ATP9B: variants seen among roughly 807,000 people sequenced by gnomAD.
The protein encoded by ATP9B is probable phospholipid-transporting ATPase IIB.
A neutral mutation model predicts 146.1 loss-of-function variants in ATP9B; 110 were observed. The ratio of observed to expected loss-of-function variants is 0.75; its 90% CI spans 0.65 to 0.88. ATP9B has a LOEUF of 0.88. Ranked by LOEUF, ATP9B falls within the 40% of genes least tolerant of loss-of-function variation. ATP9B has a pLI of 0.00. For synonymous variants in ATP9B, 604 were observed against 569.7 expected (o/e 1.06, Z -0.86); for missense variants, 1,499 against 1,496.4 (o/e 1.00, Z -0.03).
At chr18:79,164,319 G>A (rs2094930869) in intron 7 of ATP9B, among the ~76,000 whole-genome samples, 1 of 152,042 alleles carries the variant, frequency 6.6e-6, no homozygotes, top group Admixed American at 6.6e-5. Context: ...CATGGCTCTT[G>A]ATCTTTTTGT....
intron 15 of ATP9B, 178 bp downstream of exon 15, chr18:79,307,412 G>A (rs1439398565): frequency 1.1e-6 from 1 of 929,256 alleles, no homozygotes; most frequent in Non-Finnish European, 1.6e-6. Flanking sequence ...CTCTGACGTA[G>A]CCTGGGCCTT....
chr18:79,374,596 G>A (rs1201906642), intron 28 of ATP9B, among the ~76,000 whole-genome samples: 7 of 152,302 alleles, frequency 4.6e-5, no homozygotes, highest in Admixed American at 1.3e-4. Flanking sequence ...ACAGCCACTC[G>A]GGAGCAGTTG....
chr18:79,131,729 T>C (rs2147259541), intron 5 of ATP9B, among the ~76,000 whole-genome samples: 1 of 152,206 alleles, frequency 6.6e-6, no homozygotes, highest in Middle Eastern at 3.4e-3. Flanking sequence ...AAAAGATGAG[T>C]GGATAAACGA....
At chr18:79,377,004 A>G (rs552264938) in intron 29 of ATP9B, among the ~76,000 whole-genome samples, 4 of 152,266 alleles carry the variant, frequency 2.6e-5, no homozygotes, top group African/African-American at 9.6e-5. Context: ...CCGGCCTGCA[A>G]TCTATAATGC....
At chr18:79,234,312 T>G (rs2095818803) in intron 11 of ATP9B, among the ~76,000 whole-genome samples, 2 of 152,250 alleles carry the variant, frequency 1.3e-5, no homozygotes, top group South Asian at 4.1e-4. Flanking sequence ...TTTAGAAATT[T>G]AGAATGTGAA....
intron 2 of ATP9B, among the ~76,000 whole-genome samples, chr18:79,102,456 GA>G (rs2075350972): frequency 6.6e-6 from 1 of 152,114 alleles, no homozygotes. Context: ...TACATGAGCG[GA>G]GCTGTCTGTG....
At chr18:79,259,172 A>G (rs1436103593) in intron 12 of ATP9B, among the ~76,000 whole-genome samples, 1 of 152,218 alleles carries the variant, frequency 6.6e-6, no homozygotes, top group African/African-American at 2.4e-5. Flanking sequence ...TTTCAGAGGA[A>G]AATATTATAG....
chr18:79,176,744 C>T (rs904345506), intron 7 of ATP9B, 69 bp from the exon 8 acceptor site: 2 of 1,264,172 alleles, frequency 1.6e-6, no homozygotes, highest in Non-Finnish European at 2.3e-6. Context: ...TCTTTGATGG[C>T]ACCTGTAGCT....
At chr18:79,090,375 T>A (rs896466399) in intron 1 of ATP9B, among the ~76,000 whole-genome samples, 1 of 152,356 alleles carries the variant, frequency 6.6e-6, no homozygotes. Flanking sequence ...ATTGTACTAA[T>A]TTACATTCCC....
At chr18:79,313,098 C>T (rs1029979389) in intron 15 of ATP9B, among the ~76,000 whole-genome samples, 2 of 152,232 alleles carry the variant, frequency 1.3e-5, no homozygotes, top group African/African-American at 4.8e-5. Flanking sequence ...AGCCCTGTTA[C>T]AGTTCATAGA....
chr18:79,088,109 G>C (rs538979138), intron 1 of ATP9B, among the ~76,000 whole-genome samples: 20 of 152,294 alleles, frequency 1.3e-4, no homozygotes, highest in African/African-American at 4.8e-4. Flanking sequence ...CTTGGAAATG[G>C]AATAAATTGC....
intron 1 of ATP9B, 38 bp downstream of exon 1, chr18:79,069,567 C>A (rs1242306155): frequency 3.6e-5 from 45 of 1,248,066 alleles, no homozygotes; most frequent in Non-Finnish European, 4.1e-5. Context: ...CCCGCCGACG[C>A]TCCCCGGGGC....
intron 26 of ATP9B, among the ~76,000 whole-genome samples, chr18:79,368,927 C>T (rs1048589416): frequency 5.9e-5 from 9 of 152,014 alleles, no homozygotes; most frequent in African/African-American, 1.4e-4. Flanking sequence ...GCCAGAGACG[C>T]GTGCAGAGCC....
chr18:79,361,353 G>A (rs1013142185), intron 26 of ATP9B: 6 of 152,188 alleles, frequency 3.9e-5, no homozygotes, highest in South Asian at 2.1e-4. Flanking sequence ...CTAATTATCC[G>A]TAACTGTGGC....
intron 13 of ATP9B, among the ~76,000 whole-genome samples, chr18:79,279,968 T>C (rs1226016932): frequency 6.6e-6 from 1 of 152,226 alleles, no homozygotes; most frequent in Non-Finnish European, 1.5e-5. Flanking sequence ...GCCGTTTTGC[T>C]CCTGCTTCTG....
chr18:79,157,409 A>AAACAAACAAAC (rs1555714798), intron 7 of ATP9B, among the ~76,000 whole-genome samples: 2 of 147,602 alleles, frequency 1.4e-5, no homozygotes, highest in Non-Finnish European at 3.0e-5. Flanking sequence ...AAAAAAAAAA[A>AAACAAACAAAC]AAAAAAAAAA....
intron 25 of ATP9B, among the ~76,000 whole-genome samples, chr18:79,348,792 G>A (rs8094445): frequency 0.49 from 74,218 of 151,186 alleles, 18,314 homozygotes; most frequent in East Asian, 0.7. Context: ...GACCAGCCTG[G>A]CTAACATGGC....
In ATP9B at chr18:79,276,158, G is replaced by A. The variant is rs117823952; in HGVS notation, c.1269-896G>A. On this transcript the variant is annotated intron_variant, in intron 12 of 29. Transcript: ENST00000426216. ...TGAGTTGCTGTATAGGAAGAACTGC[G>A]CTGCCAGCAGCCGCATGAGCAGAGC... Among the ~76,000 whole-genome samples, 688 of 152,272 alleles carry A rather than the reference G, an allele frequency of 4.5e-3. 2 individuals carry two copies. Among genetic ancestry groups the A allele is most frequent in the Non-Finnish European group, 7.6e-3 (518 of 68,024 alleles).
At chr18:79,097,463 C>CT (rs1025070131) in intron 2 of ATP9B, among the ~76,000 whole-genome samples, 19 of 149,084 alleles carry the variant, frequency 1.3e-4, no homozygotes, top group South Asian at 2.1e-4. Flanking sequence ...TAGGTATTTT[C>CT]TTTTTTTTTA....
Sources: allele counts gnomAD v4.1 joint callset (sites outside exome capture counted in the v4.1 genomes callset), GRCh38; gene constraint gnomAD v4.1.1; transcripts MANE v1.5; gene names NCBI Gene and HGNC (gene_info 2026-07-23, HGNC 2026-07-21).